TMEM201: variants seen among roughly 807,000 people sequenced by gnomAD.
TMEM201 encodes transmembrane protein 201, also known as RP13-15M17.2.
A neutral mutation model predicts 63.4 loss-of-function variants in TMEM201; 26 were observed. The observed-to-expected ratio is 0.41, with a 90% confidence interval of 0.30 to 0.57. The LOEUF is 0.57. TMEM201 is among the 20% of genes least tolerant of loss of function. The probability of loss-of-function intolerance (pLI) is 0.29; values close to 1 mark genes in which losing one functional copy is unlikely to be tolerated. For missense variants in TMEM201, 794 were observed against 917.7 expected, an observed-to-expected ratio of 0.87 and a Z score of 1.74; for synonymous variants, 417 against 421.6, an observed-to-expected ratio of 0.99 and a Z score of 0.14.
rs369230132 is a variant in TMEM201 at position 9,604,331 on chromosome 1, C to T, written c.1160+2059C>T. On this transcript the variant is annotated intron_variant, in intron 6 of 10. Coordinates refer to ENST00000340381, the MANE Select transcript of TMEM201 (RefSeq NM_001130924.3). The surrounding 1 kb of genome is among the most constrained non-coding windows in gnomAD (Gnocchi z 4.1). ...GTCGCTCCTGCCCTCTGCCGGGGTCCGGAAGCGACATCTCAGGAGGTAGCT... is the reference window on the plus strand; with the variant it reads ...GTCGCTCCTGCCCTCTGCCGGGGTCTGGAAGCGACATCTCAGGAGGTAGCT... The T allele has an allele frequency of 1.0e-5, 10 of 985,436 alleles. No homozygotes were observed. The South Asian group carries it at 1.9e-4, about 19-fold the overall frequency. 61.0% of individuals were successfully genotyped at this position (985,436 alleles called of 1,614,324 possible).
At chr1:9,591,429 G>A (rs1288987866) in intron 1 of TMEM201, among the ~76,000 whole-genome samples, 1 of 152,254 alleles carries the variant, frequency 6.6e-6, no homozygotes, top group Non-Finnish European at 1.5e-5. Context: ...CCTATGGGAA[G>A]CCACCACGGT....
intron 6 of TMEM201, chr1:9,602,530 G>T: frequency 2.9e-6 from 4 of 1,386,550 alleles, no homozygotes; most frequent in Non-Finnish European, 2.8e-6. Flanking sequence ...CACCTCTCTG[G>T]CCAATGGCCC....
At position 9,604,643 on chromosome 1, in the gene TMEM201, G is replaced by C. The variant is rs1644209947; in HGVS notation, c.1160+2371G>C. The C allele has an allele frequency of 3.0e-6, 3 of 985,590 alleles. No individual in the cohort carries two copies. Among genetic ancestry groups the C allele is most frequent in the South Asian group, 4.7e-5 (1 of 21,290 alleles). 61.1% of individuals were successfully genotyped at this position (985,590 alleles called of 1,614,324 possible). ...GTGACCGTCCCTGAGACATAAGCGA[G>C]GTAGATTCAGCCATCCTCACCCTCA... On this transcript the variant is annotated intron_variant, in intron 6 of 10. Transcript: ENST00000340381. The surrounding 1 kb of genome is among the most constrained non-coding windows in gnomAD (Gnocchi z 4.1).
chr1:9,590,071 C>T (rs2100437683), intron 1 of TMEM201, among the ~76,000 whole-genome samples: 1 of 152,302 alleles, frequency 6.6e-6, no homozygotes, highest in Non-Finnish European at 1.5e-5. Context: ...GTCACAGAGG[C>T]TTCCCAGAGG....
Position 9,595,756 on chromosome 1 carries a change from C to T in TMEM201, c.114-134C>T, listed in dbSNP as rs184510234. The T allele has an allele frequency of 1.0e-3, 1,399 of 1,333,138 alleles. 11 individuals carry two copies. In the African/African-American group the frequency reaches 0.018, roughly 17 times the overall value. 82.6% of individuals were successfully genotyped at this position (1,333,138 alleles called of 1,614,324 possible). A position where few individuals can be genotyped will look rare whatever the true frequency, so the allele number is the denominator to read the frequency against. ...CCTGCTGTTCTGGGGCCAGCATCTC[C>T]AGCTTTGCATCCCCAGATCCCAGAT... On this transcript the variant is annotated intron_variant, in intron 1 of 10. Coordinates refer to ENST00000340381, the MANE Select transcript of TMEM201 (RefSeq NM_001130924.3).
chr1:9,597,517 G>C (rs1004549954), intron 3 of TMEM201, among the ~76,000 whole-genome samples: 5 of 152,252 alleles, frequency 3.3e-5, no homozygotes, highest in African/African-American at 9.6e-5. Flanking sequence ...CTGGGAGGAG[G>C]AGGAAGCTAG....
At position 9,600,083 on chromosome 1, in the gene TMEM201, G is replaced by A. The variant is rs189238009; in HGVS notation, c.607-1022G>A. Among the ~76,000 whole-genome samples the A allele has an allele frequency of 6.9e-4, 105 of 152,252 alleles. 1 individual carries two copies. Among genetic ancestry groups the A allele is most frequent in the Non-Finnish European group, 5.6e-4 (38 of 68,014 alleles). On this transcript the variant is annotated intron_variant, in intron 4 of 10. Transcript: ENST00000340381. Reference sequence around the variant, plus strand: ...ACGTGTGGCAGGGCAGAGGTAGCACGGCTGTGTCCCAGCTGCAGACTGGAA... The same window carrying A: ...ACGTGTGGCAGGGCAGAGGTAGCACAGCTGTGTCCCAGCTGCAGACTGGAA...
intron 3 of TMEM201, among the ~76,000 whole-genome samples, chr1:9,598,135 G>A (rs894116138): frequency 6.6e-6 from 1 of 152,182 alleles, no homozygotes; most frequent in Non-Finnish European, 1.5e-5. Context: ...CCTTCTTGGA[G>A]CTCTGCATCT....
chr1:9,595,824 A>G (rs1569916951), intron 1 of TMEM201, 66 bp from the exon 2 acceptor site: 1 of 1,603,422 alleles, frequency 6.2e-7, no homozygotes, highest in East Asian at 2.2e-5. Context: ...GGGGCAGGGC[A>G]TGGAGGTCCC....
intron 1 of TMEM201, among the ~76,000 whole-genome samples, chr1:9,594,694 C>T (rs1276573178): frequency 6.6e-6 from 1 of 152,220 alleles, no homozygotes; most frequent in Non-Finnish European, 1.5e-5. Flanking sequence ...CCTCAGGCCC[C>T]TGGCCAGCCC....
intron 5 of TMEM201, 30 bp from the exon 6 acceptor site, chr1:9,602,039 C>A: frequency 6.2e-7 from 1 of 1,603,768 alleles, no homozygotes. Flanking sequence ...CTTGTCCTCC[C>A]CTGGGGTGAC....
At chr1:9,598,086 C>T in intron 3 of TMEM201, among the ~76,000 whole-genome samples, 1 of 152,206 alleles carries the variant, frequency 6.6e-6, no homozygotes, top group Admixed American at 6.5e-5. Context: ...CCACTCCAGG[C>T]AGTGTCAGCC....
In TMEM201 at chr1:9,610,738, C is replaced by T. The variant is rs1644312450; in HGVS notation, c.1698C>T (p.Ser566=). The T allele has an allele frequency of 1.3e-6, 2 of 1,550,324 alleles. No homozygotes were observed. The highest frequency in any genetic ancestry group is 1.7e-6 in the Non-Finnish European group (2 of 1,146,772). The change falls in exon 9 of 11, where the codon AGC becomes AGT. Residue 566 remains serine, a synonymous_variant. Coordinates refer to ENST00000340381, the MANE Select transcript of TMEM201 (RefSeq NM_001130924.3). The surrounding 1 kb of genome is among the most constrained non-coding windows in gnomAD (Gnocchi z 4.9). ...SSDEHSPHNG[S]LFTMEPPHVP... ...ATGAGCACTCGCCTCACAACGGCAG[C>T]CTCTTCACCATGGAGCCGCCCCATG...
In TMEM201 at chr1:9,596,948, G is replaced by A. The variant is rs373990339; in HGVS notation, c.324G>A (p.Ser108=). ...VSSAPSLRDP[S]QPQQWVSSQV... ...GCGCGCCCAGCCTGCGCGACCCTTCGCAGCCGCAGCAGTGGGTGAGCAGCC... is the reference window on the plus strand; with the variant it reads ...GCGCGCCCAGCCTGCGCGACCCTTCACAGCCGCAGCAGTGGGTGAGCAGCC... The change falls in exon 3 of 11, where the codon TCG becomes TCA. Residue 108 remains serine (S), a synonymous_variant. Coordinates refer to ENST00000340381, the MANE Select transcript of TMEM201 (RefSeq NM_001130924.3). 33 of 1,612,788 alleles carry A rather than the reference G, an allele frequency of 2.0e-5. No homozygotes were observed. The highest frequency in any genetic ancestry group is 1.6e-4 in the Middle Eastern group (1 of 6,082).
rs1255408141 is a variant in TMEM201 at position 9,605,078 on chromosome 1, T to A, written c.1161-2479T>A. ...CACAGGAGTCAGGTTTGGGAGCCAG[T>A]GACAATGACACCAGCTGGCTCGGGG... is the stretch of plus-strand genomic sequence containing the variant. On this transcript the variant is annotated intron_variant, in intron 6 of 10. Transcript: ENST00000340381. The surrounding 1 kb of genome is among the most constrained non-coding windows in gnomAD (Gnocchi z 5.7). 1.1e-6 allele frequency: 1 copy of A among 936,196 alleles called. No homozygotes were observed. Among genetic ancestry groups the A allele is most frequent in the Non-Finnish European group, 1.3e-6 (1 of 784,956 alleles). 58.0% of individuals were successfully genotyped at this position (936,196 alleles called of 1,614,324 possible). A position where few individuals can be genotyped will look rare whatever the true frequency, so the allele number is the denominator to read the frequency against.
At chr1:9,600,744 C>T (rs1444399032) in intron 4 of TMEM201, among the ~76,000 whole-genome samples, 1 of 152,130 alleles carries the variant, frequency 6.6e-6, no homozygotes, top group Non-Finnish European at 1.5e-5. Context: ...CATGGTAAAA[C>T]CCCATCTCTA....
intron 1 of TMEM201, among the ~76,000 whole-genome samples, chr1:9,591,254 C>G (rs1643914024): frequency 1.3e-5 from 2 of 152,258 alleles, no homozygotes; most frequent in Non-Finnish European, 2.9e-5. Context: ...CTCTACTGTT[C>G]TCCCATTTTA....
At position 9,603,874 on chromosome 1, in the gene TMEM201, G is replaced by C. The variant is rs2100501667; in HGVS notation, c.1160+1602G>C. 1 of 985,510 alleles carries C rather than the reference G, an allele frequency of 1.0e-6. No homozygotes were observed. The highest frequency in any genetic ancestry group is 1.2e-6 in the Non-Finnish European group (1 of 829,954). 61.0% of individuals were successfully genotyped at this position (985,510 alleles called of 1,614,324 possible). On this transcript the variant is annotated intron_variant, in intron 6 of 10. Coordinates refer to ENST00000340381, the MANE Select transcript of TMEM201 (RefSeq NM_001130924.3). The surrounding 1 kb of genome is among the most constrained non-coding windows in gnomAD (Gnocchi z 4.5). ...CAAGGCCCCAGCGTTACTGGGCTCA[G>C]CTTGTTGTTCTGTGTGGAGCGTGAG...
At chr1:9,589,073 C>T (rs943882428) in intron 1 of TMEM201, 30 bp downstream of exon 1, 4 of 968,928 alleles carry the variant, frequency 4.1e-6, no homozygotes, top group African/African-American at 3.6e-5. Flanking sequence ...CCACGCGGCC[C>T]TCTGCGCCGC....
Sources: gnomAD v4.1 joint callset for allele counts (sites outside exome capture counted in the v4.1 genomes callset) on GRCh38, gnomAD v4.1.1 for gene constraint, Gnocchi (gnomAD v3.1) non-coding constraint, MANE v1.5 for transcripts, NCBI Gene and HGNC (gene_info 2026-07-23, HGNC 2026-07-21) for gene names.